FBXL7: variants seen among roughly 807,000 people sequenced by gnomAD.
FBXL7 encodes the protein F-box/LRR-repeat protein 7.
A neutral mutation model predicts 38.3 loss-of-function variants in FBXL7; 12 were observed. That is an observed-to-expected ratio of 0.31 (90% confidence interval 0.20 to 0.51). The LOEUF (loss-of-function observed/expected upper bound fraction) is 0.51. FBXL7 is among the 20% of genes least tolerant of loss of function. The pLI is 0.98. For missense variants in FBXL7, 567 were observed against 676.4 expected, an observed-to-expected ratio of 0.84 and a Z score of 1.79; for synonymous variants, 297 against 300.9, an observed-to-expected ratio of 0.99 and a Z score of 0.13.
chr5:15,732,502 T>C (rs909894288), intron 2 of FBXL7, among the ~76,000 whole-genome samples: 4 of 152,232 alleles, frequency 2.6e-5, no homozygotes, highest in African/African-American at 9.6e-5. Context: ...TGGAGTTTTA[T>C]ATTTTAGGTA....
At chr5:15,500,886 C>T (rs576764874) in intron 1 of FBXL7, among the ~76,000 whole-genome samples, 173 bp downstream of exon 1, 9 of 152,246 alleles carry the variant, frequency 5.9e-5, no homozygotes, top group South Asian at 2.1e-4. Flanking sequence ...GTAGGTCAGG[C>T]GCCCCGAGGA....
In FBXL7 at chr5:15,773,618, C is replaced by T. The variant is rs540497147; in HGVS notation, c.128-154272C>T. Among the ~76,000 whole-genome samples the T allele has an allele frequency of 1.8e-4, 27 of 152,236 alleles. No individual in the cohort carries two copies. In the East Asian group the frequency reaches 5.0e-3, roughly 28 times the overall value. On this transcript the variant is annotated intron_variant, in intron 2 of 3. Transcript: ENST00000504595. ...GATTCGTGACTGTGCCACTGCACTC[C>T]AGCCTGGGTGACAGATCTTGTCTCA...
At chr5:15,618,365 AAAAG>A (rs1008440076) in intron 2 of FBXL7, among the ~76,000 whole-genome samples, 1 of 152,246 alleles carries the variant, frequency 6.6e-6, no homozygotes, top group Non-Finnish European at 1.5e-5. Flanking sequence ...AAAAAATTAA[AAAAG>A]AAAGTATTAA....
intron 2 of FBXL7, among the ~76,000 whole-genome samples, chr5:15,709,044 A>C (rs913602711): frequency 7.9e-5 from 12 of 152,162 alleles, no homozygotes; most frequent in Admixed American, 6.5e-5. Context: ...AACACCGTTT[A>C]GTTCCTTTGC....
At chr5:15,774,559 A>G (rs1231246870) in intron 2 of FBXL7, among the ~76,000 whole-genome samples, 1 of 152,220 alleles carries the variant, frequency 6.6e-6, no homozygotes, top group Non-Finnish European at 1.5e-5. Flanking sequence ...AGAGTGGCAT[A>G]TTCCCACCAT....
intron 1 of FBXL7, among the ~76,000 whole-genome samples, chr5:15,514,289 C>T (rs1736875028): frequency 6.6e-6 from 1 of 152,174 alleles, no homozygotes; most frequent in Admixed American, 6.5e-5. Context: ...GCTGTGTGTT[C>T]ACTGTAGTGT....
chr5:15,726,710 A>ATAAATAAC (rs1735414724), intron 2 of FBXL7, among the ~76,000 whole-genome samples: 1 of 151,310 alleles, frequency 6.6e-6, no homozygotes, highest in Non-Finnish European at 1.5e-5. Flanking sequence ...AAATAAATAA[A>ATAAATAAC]TAAATAAATA....
rs181640594 is a variant in FBXL7, at chr5:15,725,730, A to G, written c.127+109658A>G. Among the ~76,000 whole-genome samples, 299 of 152,138 alleles carry G rather than the reference A, an allele frequency of 2.0e-3. 1 individual carries two copies. In the Middle Eastern group the frequency reaches 0.024, roughly 12 times the overall value. ...AGGCTCACTGCAACCTCCATCTCCC[A>G]TGTTCAAGCAATTCTCTGCCTCAGC... On this transcript the variant is annotated intron_variant, in intron 2 of 3. Transcript: ENST00000504595.
intron 2 of FBXL7, among the ~76,000 whole-genome samples, chr5:15,748,266 A>T (rs765077052): frequency 6.6e-6 from 1 of 152,250 alleles, no homozygotes; most frequent in Non-Finnish European, 1.5e-5. Context: ...CAAAAGTGCC[A>T]GAGTTAAAGA....
intron 2 of FBXL7, among the ~76,000 whole-genome samples, chr5:15,795,590 G>A (rs1467619885): frequency 6.6e-6 from 1 of 152,150 alleles, no homozygotes; most frequent in African/African-American, 2.4e-5. Flanking sequence ...AGAGAAAAAA[G>A]CCTTCTTTAA....
chr5:15,638,261 C>T (rs879820847), intron 2 of FBXL7, among the ~76,000 whole-genome samples: 3 of 152,154 alleles, frequency 2.0e-5, no homozygotes, highest in Non-Finnish European at 4.4e-5. Flanking sequence ...CAGACTTTCA[C>T]GTGCAGTGGA....
chr5:15,641,349 A>G (rs911410327), intron 2 of FBXL7, among the ~76,000 whole-genome samples: 2 of 152,208 alleles, frequency 1.3e-5, no homozygotes, highest in African/African-American at 4.8e-5. Flanking sequence ...TCCAGACTCT[A>G]CAACCAATTA....
intron 2 of FBXL7, among the ~76,000 whole-genome samples, chr5:15,790,717 T>G (rs1737251529): frequency 6.6e-6 from 1 of 152,182 alleles, no homozygotes; most frequent in South Asian, 2.1e-4. Context: ...TCCCTGACAT[T>G]TATTCACTGA....
chr5:15,528,686 A>G (rs1737323988), intron 1 of FBXL7, among the ~76,000 whole-genome samples: 1 of 152,150 alleles, frequency 6.6e-6, no homozygotes, highest in African/African-American at 2.4e-5. Flanking sequence ...CCCACATCAC[A>G]CGGTAATTAT....
At position 15,637,946 on chromosome 5, in the gene FBXL7, T is replaced by C. The variant is rs1026380885; in HGVS notation, c.127+21874T>C. On this transcript the variant is annotated intron_variant, in intron 2 of 3. Coordinates refer to ENST00000504595, the MANE Select transcript of FBXL7 (RefSeq NM_012304.5). The stretch of plus-strand genomic sequence containing the variant: ...AGAACTGGAGATTAGCCAATTATCT[T>C]TGAAAACTGGGGGAAGTATAAGCTC... Among the ~76,000 whole-genome samples, 8 of 152,302 alleles carry C rather than the reference T, an allele frequency of 5.3e-5. No individual in the cohort carries two copies. The East Asian group carries it at 1.5e-3, about 29-fold the overall frequency.
At chr5:15,564,530 C>T (rs1261830761) in intron 1 of FBXL7, among the ~76,000 whole-genome samples, 1 of 151,712 alleles carries the variant, frequency 6.6e-6, no homozygotes, top group Non-Finnish European at 1.5e-5. Context: ...AGTAGATATA[C>T]ACGCCCAATA....
At chr5:15,925,980 A>G (rs55742366) in intron 2 of FBXL7, among the ~76,000 whole-genome samples, 67,193 of 152,018 alleles carry the variant, frequency 0.44, 16,620 homozygotes, top group African/African-American at 0.66. Flanking sequence ...AATAGGCTCT[A>G]TGTTAAATGA....
At chr5:15,674,690 C>A (rs952739516) in intron 2 of FBXL7, among the ~76,000 whole-genome samples, 2 of 152,260 alleles carry the variant, frequency 1.3e-5, no homozygotes, top group South Asian at 4.1e-4. Context: ...AATCCTTCCT[C>A]CCCCTAAAAT....
intron 2 of FBXL7, among the ~76,000 whole-genome samples, chr5:15,853,317 CT>C (rs1321598413): frequency 3.3e-5 from 5 of 152,076 alleles, no homozygotes; most frequent in Non-Finnish European, 4.4e-5. Context: ...CAGTCTCTGG[CT>C]GTGCTTCTGT....
Sources: gnomAD v4.1 joint callset for allele counts (sites outside exome capture counted in the v4.1 genomes callset) on GRCh38, gnomAD v4.1.1 for gene constraint, MANE v1.5 for transcripts, NCBI Gene and HGNC (gene_info 2026-07-23, HGNC 2026-07-21) for gene names.